Variants in ROBO2 observed in about 807,000 individuals in gnomAD.
The protein encoded by ROBO2 is roundabout guidance receptor 2, also known as roundabout homolog 2.
In ROBO2, 53 loss-of-function variants were observed where a neutral mutation model predicts 160.8. That is an observed-to-expected ratio of 0.33 (90% CI 0.26 to 0.41). ROBO2 has a LOEUF of 0.41. Among genes scored for constraint, ROBO2 ranks in the 10% least tolerant of loss-of-function variants. ROBO2 has a pLI of 1.00. For synonymous variants in ROBO2, 664 were observed against 611.7 expected, an observed-to-expected ratio of 1.09 and a Z score of -1.26; for missense variants, 1,577 against 1,722.4, an observed-to-expected ratio of 0.92 and a Z score of 1.49.
At chr3:77,082,196 A>G (rs940617983) in intron 1 of ROBO2, among the ~76,000 whole-genome samples, 12 of 152,232 alleles carry the variant, frequency 7.9e-5, no homozygotes, top group Non-Finnish European at 1.5e-4. Flanking sequence ...TTCTTGTAGT[A>G]AAGAAAAATT....
At chr3:75,947,694 A>C (rs1948364580) in intron 2 of ROBO2, among the ~76,000 whole-genome samples, 1 of 152,120 alleles carries the variant, frequency 6.6e-6, no homozygotes, top group Non-Finnish European at 1.5e-5. Flanking sequence ...GTAAGAGATT[A>C]AAATAACAAT....
chr3:77,632,724 T>C (rs1029881917), intron 23 of ROBO2: 1 of 1,352,440 alleles, frequency 7.4e-7, no homozygotes, highest in Non-Finnish European at 9.9e-7. Context: ...TCCTCTTTTC[T>C]CCTGTTCTTT....
chr3:77,420,256 CTTT>C (rs5850330), intron 2 of ROBO2, among the ~76,000 whole-genome samples: 1 of 148,264 alleles, frequency 6.7e-6, no homozygotes, highest in African/African-American at 2.4e-5. Flanking sequence ...TTACAGATGA[CTTT>C]TTTTTTTTTA....
chr3:77,055,665 T>C (rs897428590), intron 1 of ROBO2, among the ~76,000 whole-genome samples: 2 of 152,204 alleles, frequency 1.3e-5, no homozygotes, highest in African/African-American at 4.8e-5. Context: ...GATTGGATTA[T>C]AACTTGTGTG....
chr3:77,428,674 A>G (rs2078470730), intron 2 of ROBO2, among the ~76,000 whole-genome samples: 1 of 152,028 alleles, frequency 6.6e-6, no homozygotes. Context: ...TTTATTGTTA[A>G]TGTTCCTTGG....
chr3:76,307,689 AT>A (rs1188454540), intron 2 of ROBO2, among the ~76,000 whole-genome samples: 1 of 151,976 alleles, frequency 6.6e-6, no homozygotes, highest in Non-Finnish European at 1.5e-5. Flanking sequence ...AAAGAGAAGA[AT>A]AACAAAAACT....
chr3:77,624,863 C>T (rs2153708038), intron 23 of ROBO2, among the ~76,000 whole-genome samples: 1 of 152,244 alleles, frequency 6.6e-6, no homozygotes, highest in South Asian at 2.1e-4. Flanking sequence ...AACCCTGAAA[C>T]CAATCAGAAT....
At chr3:76,703,424 G>T (rs2107492897) in intron 2 of ROBO2, among the ~76,000 whole-genome samples, 1 of 152,182 alleles carries the variant, frequency 6.6e-6, no homozygotes, top group Non-Finnish European at 1.5e-5. Flanking sequence ...GTGCAGGTTT[G>T]TTACATAAGT....
intron 2 of ROBO2, among the ~76,000 whole-genome samples, chr3:76,425,212 A>G (rs1455990029): frequency 6.6e-6 from 1 of 151,322 alleles, no homozygotes; most frequent in Non-Finnish European, 1.5e-5. Flanking sequence ...TTTCTTGATC[A>G]CCACCCGTTT....
At chr3:76,376,037 A>C (rs1239580699) in intron 2 of ROBO2, among the ~76,000 whole-genome samples, 4 of 152,102 alleles carry the variant, frequency 2.6e-5, no homozygotes, top group Admixed American at 2.6e-4. Flanking sequence ...AATCCTGAGA[A>C]GAAGACTGTG....
chr3:77,341,234 A>G (rs2067022852), intron 2 of ROBO2, among the ~76,000 whole-genome samples: 1 of 152,064 alleles, frequency 6.6e-6, no homozygotes, highest in South Asian at 2.1e-4. Flanking sequence ...AGCATATAAG[A>G]GGTTAATTCC....
At chr3:76,198,418 T>C (rs1260278172) in intron 2 of ROBO2, among the ~76,000 whole-genome samples, 2 of 152,150 alleles carry the variant, frequency 1.3e-5, no homozygotes, top group African/African-American at 4.8e-5. Flanking sequence ...CAACCTGACT[T>C]TCATATAGCA....
chr3:76,466,636 A>AT (rs959305184), intron 2 of ROBO2, among the ~76,000 whole-genome samples: 120 of 152,028 alleles, frequency 7.9e-4, no homozygotes, highest in African/African-American at 2.7e-3. Flanking sequence ...TCTAGAGACT[A>AT]TTTTTTGTTG....
intron 2 of ROBO2, among the ~76,000 whole-genome samples, chr3:76,019,070 C>T (rs2066488537): frequency 6.6e-6 from 1 of 151,830 alleles, no homozygotes; most frequent in Non-Finnish European, 1.5e-5. Flanking sequence ...GCATTATGGC[C>T]TCCCCACATG....
At chr3:76,923,109 G>C (rs1376835520) in intron 2 of ROBO2, among the ~76,000 whole-genome samples, 4 of 152,108 alleles carry the variant, frequency 2.6e-5, no homozygotes, top group Non-Finnish European at 5.9e-5. Context: ...GAGTATATGG[G>C]CTCCATTCCT....
intron 2 of ROBO2, among the ~76,000 whole-genome samples, chr3:76,652,598 A>T (rs2091304066): frequency 2.0e-5 from 3 of 152,198 alleles, no homozygotes; most frequent in African/African-American, 7.2e-5. Flanking sequence ...GCAGTTTAAG[A>T]TATATATGAC....
chr3:76,232,481 C>T (rs538920562), intron 2 of ROBO2, among the ~76,000 whole-genome samples: 1 of 152,226 alleles, frequency 6.6e-6, no homozygotes, highest in Admixed American at 6.5e-5. Flanking sequence ...ACATTCTCAT[C>T]TTGGAAAGGA....
chr3:76,394,742 A>G (rs2077338425), intron 2 of ROBO2, among the ~76,000 whole-genome samples: 1 of 152,114 alleles, frequency 6.6e-6, no homozygotes, highest in Admixed American at 6.6e-5. Flanking sequence ...CCATTACATA[A>G]CGGTAAAGGG....
At chr3:76,247,787 C>T (rs1354799221) in intron 2 of ROBO2, among the ~76,000 whole-genome samples, 1 of 151,684 alleles carries the variant, frequency 6.6e-6, no homozygotes, top group Non-Finnish European at 1.5e-5. Context: ...TGAACTCAAA[C>T]AAATTTACAA....
Sources: gnomAD v4.1 joint callset for allele counts (sites outside exome capture counted in the v4.1 genomes callset) on GRCh38, gnomAD v4.1.1 for gene constraint, MANE v1.5 for transcripts, NCBI Gene and HGNC (gene_info 2026-07-23, HGNC 2026-07-21) for gene names.